CLPTM1L: variants seen among roughly 807,000 people sequenced by gnomAD.
CLPTM1L encodes the protein lipid scramblase CLPTM1L.
CLPTM1L carries 38 observed loss-of-function variants against 70.9 expected under a neutral mutation model. The observed-to-expected ratio is 0.54, with a 90% CI of 0.41 to 0.70. The LOEUF is 0.70. Among genes scored for constraint, CLPTM1L ranks in the 30% least tolerant of loss-of-function variants. CLPTM1L has a pLI of 0.00. For missense variants in CLPTM1L, 652 were observed against 705.9 expected, an observed-to-expected ratio of 0.92 and a Z score of 0.87; for synonymous variants, 339 against 299.9, an observed-to-expected ratio of 1.13 and a Z score of -1.35.
In CLPTM1L at chr5:1,319,360, G is replaced by GA. The variant is rs1052732776; in HGVS notation, c.1533-908_1533-907insT. 2.9e-5 allele frequency among the ~76,000 whole-genome samples: 4 copies of GA among 138,978 alleles called. No homozygotes were observed. In the South Asian group the frequency reaches 8.0e-4, roughly 28 times the overall value. The allele number at this position is 138,978 out of a possible 152,430, so 91.2% of individuals were successfully genotyped here. On this transcript the variant is annotated intron_variant, in intron 16 of 16. Transcript: ENST00000320895. ...GGCTGCACGAGACAGCAACAGGGTG[G>GA]GGGGGGGCAGCCGGCGGCCAGGCCT...
chr5:1,329,446 A>C (rs982298140), intron 9 of CLPTM1L, among the ~76,000 whole-genome samples: 1 of 150,424 alleles, frequency 6.6e-6, no homozygotes, highest in African/African-American at 2.5e-5. Flanking sequence ...GGGCCTCAGG[A>C]CTCACCACTG....
At chr5:1,328,322 TAC>T (rs1752773019) in intron 9 of CLPTM1L, among the ~76,000 whole-genome samples, 2 of 72,578 alleles carry the variant, frequency 2.8e-5, no homozygotes, top group Non-Finnish European at 6.1e-5. Flanking sequence ...GCTACTCCTC[TAC>T]GGACACATTT....
At chr5:1,322,244 C>T (rs1200683017) in intron 13 of CLPTM1L, among the ~76,000 whole-genome samples, 2 of 152,202 alleles carry the variant, frequency 1.3e-5, no homozygotes, top group Non-Finnish European at 2.9e-5. Context: ...TTAATGCTCA[C>T]GGGACCACTT....
chr5:1,336,614 C>T (rs1424035282), intron 5 of CLPTM1L, among the ~76,000 whole-genome samples: 1 of 152,204 alleles, frequency 6.6e-6, no homozygotes, highest in Non-Finnish European at 1.5e-5. Flanking sequence ...GCAGAACTTG[C>T]TGTCCTGAGG....
In CLPTM1L at chr5:1,321,697, G is replaced by A. The variant is rs374983648; in HGVS notation, c.1372-18C>T. On this transcript the variant is annotated intron_variant, in intron 14 of 16. Transcript: ENST00000320895. ...GACTTCAACTGAAACAGGAGAGACA[G>A]GCCCAGGTCAGCTGTGGGCAGCACA... 3 of 1,613,880 alleles carry A rather than the reference G, an allele frequency of 1.9e-6. No individual in the cohort carries two copies. Among genetic ancestry groups the A allele is most frequent in the Non-Finnish European group, 8.5e-7 (1 of 1,179,998 alleles).
At chr5:1,340,157 T>C (rs1055285947) in intron 3 of CLPTM1L, among the ~76,000 whole-genome samples, 64 of 152,220 alleles carry the variant, frequency 4.2e-4, no homozygotes, top group Non-Finnish European at 7.8e-4. Context: ...AATTCCTTTT[T>C]TGAGGTCCTC....
At chr5:1,328,640 C>T (rs1204714981) in intron 9 of CLPTM1L, among the ~76,000 whole-genome samples, 2 of 151,548 alleles carry the variant, frequency 1.3e-5, no homozygotes, top group Non-Finnish European at 2.9e-5. Flanking sequence ...AGCTCCTCCT[C>T]TACAGACAGT....
At chr5:1,328,649 G>C (rs13180783) in intron 9 of CLPTM1L, among the ~76,000 whole-genome samples, 152 of 97,350 alleles carry the variant, frequency 1.6e-3, no homozygotes, top group Admixed American at 4.6e-3. Context: ...TCTACAGACA[G>C]TTTTCTTCCA....
Position 1,345,003 on chromosome 5 carries a change from G to C in CLPTM1L, c.-162C>G. ...ACGAATGCGCCGCGCGCCGCAGACC[G>C]CCGGCCGCCCCGCATGCTCCGGCCC... is the stretch of plus-strand genomic sequence containing the variant. On this transcript the variant is annotated 5_prime_UTR_variant, in exon 1 of 17. Coordinates refer to ENST00000320895, the MANE Select transcript of CLPTM1L (RefSeq NM_030782.5). The C allele has an allele frequency of 4.2e-6, 1 of 240,808 alleles. No homozygotes were observed. Among genetic ancestry groups the C allele is most frequent in the Non-Finnish European group, 6.6e-6 (1 of 150,810 alleles). The allele number at this position is 240,808 out of a possible 1,614,324, so 14.9% of individuals were successfully genotyped here.
At chr5:1,332,426 C>T (rs1753155834) in intron 7 of CLPTM1L, 1 of 152,510 alleles carries the variant, frequency 6.6e-6, no homozygotes. Context: ...GAGACACTGA[C>T]CTTTTAATAA....
At chr5:1,336,388 G>C (rs1753580475) in intron 5 of CLPTM1L, among the ~76,000 whole-genome samples, 1 of 152,224 alleles carries the variant, frequency 6.6e-6, no homozygotes, top group South Asian at 2.1e-4. Flanking sequence ...ATAACCACTG[G>C]AACGCAGGCC....
chr5:1,330,199 A>C, intron 9 of CLPTM1L, 81 bp downstream of exon 9: 6 of 1,150,598 alleles, frequency 5.2e-6, no homozygotes, highest in Non-Finnish European at 7.8e-6. Context: ...AGAAGGTCTC[A>C]GGTCCCGGGG....
chr5:1,322,715 C>T (rs1752228871), intron 13 of CLPTM1L, 162 bp downstream of exon 13: 2 of 738,548 alleles, frequency 2.7e-6, no homozygotes, highest in Non-Finnish European at 4.8e-6. Context: ...CTGCTCACAG[C>T]CTGGGGGGAG....
In CLPTM1L at chr5:1,338,780, G is replaced by A; in HGVS notation, c.599+80C>T. On this transcript the variant is annotated intron_variant, in intron 4 of 16. Transcript: ENST00000320895. ...CCACAGAGGGGACTCCACGGTGCAG[G>A]AGTGACCTGCTGGCGAGTTCTGGCC... The A allele has an allele frequency of 4.5e-6, 7 of 1,564,568 alleles. No individual in the cohort carries two copies. In the South Asian group the frequency reaches 8.0e-5, roughly 18 times the overall value.
chr5:1,325,626 C>T (rs1191391791), intron 10 of CLPTM1L, 125 bp downstream of exon 10: 14 of 757,024 alleles, frequency 1.8e-5, no homozygotes, highest in Non-Finnish European at 2.8e-5. Context: ...GCCTCCACCA[C>T]GGAGGCTCCC....
rs576134173 is a variant in CLPTM1L, at chr5:1,319,014, G to A, written c.1533-561C>T. Among the ~76,000 whole-genome samples, 10 of 152,322 alleles carry A rather than the reference G, an allele frequency of 6.6e-5. No homozygotes were observed. In the East Asian group the frequency reaches 1.9e-3, roughly 29 times the overall value. On this transcript the variant is annotated intron_variant, in intron 16 of 16. Transcript: ENST00000320895. The stretch of plus-strand genomic sequence containing the variant: ...AGACCTGCTGCCCACCAAGGGCCCT[G>A]TGATCCTGGCCAAACACCGTTTGCA...
At chr5:1,344,587 C>G in intron 1 of CLPTM1L, 93 bp downstream of exon 1, 1 of 1,476,902 alleles carries the variant, frequency 6.8e-7, no homozygotes, top group Non-Finnish European at 9.2e-7. Context: ...CGCGCGGCCA[C>G]AGCTCCGAAC....
At position 1,324,802 on chromosome 5, in the gene CLPTM1L, G is replaced by GTT; in HGVS notation, c.1157_1158insAA (p.Tyr386Ter). The GTT allele has an allele frequency of 6.2e-7, 1 of 1,614,054 alleles. No homozygotes were observed. The highest frequency in any genetic ancestry group is 8.5e-7 in the Non-Finnish European group (1 of 1,179,902). ...CCTCGGTTTTCCTCTCAGATTCGCT[G>GTT]TAAGTGCCAAACTGTTGTGAAATTC... ...GLMPEFQFGT[Y>*]SESERKTEEY... Residue 386 changes from tyrosine to a stop codon, truncating the protein, a stop_gained and frameshift_variant, in exon 11 of 17, where the codon TAC becomes TAAAC. Transcript: ENST00000320895. LOFTEE classifies it high-confidence loss of function.
rs151141374 is a variant in CLPTM1L, at chr5:1,342,906, C to A, written c.264-1046G>T. 6.6e-6 allele frequency among the ~76,000 whole-genome samples: 1 copy of A among 152,226 alleles called. No individual in the cohort carries two copies. The highest frequency in any genetic ancestry group is 6.5e-5 in the Admixed American group (1 of 15,286). On this transcript the variant is annotated intron_variant, in intron 2 of 16. Coordinates refer to ENST00000320895, the MANE Select transcript of CLPTM1L (RefSeq NM_030782.5). This position sits in a 1 kb window ranked among gnomAD's most constrained non-coding sequence, Gnocchi z 4.3. ...GCCCGGCCTCTCCTTAAAAATCTTA[C>A]GGTTGGCCGGGTGCGGCGGCTCACG... is the stretch of plus-strand genomic sequence containing the variant.
Sources: gnomAD v4.1 joint callset for allele counts (sites outside exome capture counted in the v4.1 genomes callset) on GRCh38, gnomAD v4.1.1 for gene constraint, Gnocchi (gnomAD v3.1) non-coding constraint, MANE v1.5 for transcripts, NCBI Gene and HGNC (gene_info 2026-07-23, HGNC 2026-07-21) for gene names.